The following ZFHX3 variants were observed in gnomAD, a reference collection of about 807,000 sequenced individuals.
ZFHX3 encodes zinc finger homeobox protein 3.
A neutral mutation model predicts 279.1 loss-of-function variants in ZFHX3; 42 were observed. The ratio of observed to expected loss-of-function variants is 0.15; its 90% CI spans 0.12 to 0.19. ZFHX3 has a LOEUF of 0.19. Among genes scored for constraint, ZFHX3 ranks in the 10% least tolerant of loss-of-function variants. The probability of loss-of-function intolerance (pLI) is 1.00; values close to 1 mark genes in which losing one functional copy is unlikely to be tolerated. For missense variants in ZFHX3, 4,981 were observed against 4,754.0 expected (o/e 1.05, Z -1.40); for synonymous variants, 2,293 against 1,957.8 (o/e 1.17, Z -4.52).
At chr16:73,608,055 C>T (rs1469747192) in intron 2 of ZFHX3, among the ~76,000 whole-genome samples, 1 of 146,738 alleles carries the variant, frequency 6.8e-6, no homozygotes, top group Non-Finnish European at 1.5e-5. Context: ...GCCTGGGGAA[C>T]AGAACAAGAC....
intron 5 of ZFHX3, among the ~76,000 whole-genome samples, chr16:73,183,897 T>C (rs2144881351): frequency 6.6e-6 from 1 of 152,126 alleles, no homozygotes; most frequent in Non-Finnish European, 1.5e-5. Flanking sequence ...AAAAAATCTC[T>C]CTTTGCCCTG....
intron 3 of ZFHX3, among the ~76,000 whole-genome samples, chr16:73,349,310 C>G (rs969515619): frequency 6.6e-6 from 1 of 152,136 alleles, no homozygotes; most frequent in Non-Finnish European, 1.5e-5. Flanking sequence ...ACACTGCAAC[C>G]CTGACACCTA....
rs545975593 is a variant in ZFHX3, at chr16:72,902,225, G to A, written c.3217-12263C>T. On this transcript the variant is annotated intron_variant, in intron 3 of 9. Coordinates refer to ENST00000268489, the MANE Select transcript of ZFHX3 (RefSeq NM_006885.4). ...TCTTGCTCCCAGAATCATCCTAACGGATGACAGAGTCCAACTTTCCCATTA... is the reference window on the plus strand; with the variant it reads ...TCTTGCTCCCAGAATCATCCTAACGAATGACAGAGTCCAACTTTCCCATTA... 6.6e-4 allele frequency among the ~76,000 whole-genome samples: 100 copies of A among 152,300 alleles called. 2 individuals carry two copies. In the South Asian group the frequency reaches 0.02, roughly 30 times the overall value.
intron 3 of ZFHX3, among the ~76,000 whole-genome samples, chr16:73,357,395 G>A (rs2016361437): frequency 6.6e-6 from 1 of 150,548 alleles, no homozygotes; most frequent in Non-Finnish European, 1.5e-5. Flanking sequence ...CGTCTTCTGG[G>A]AGCAAACAAA....
intron 7 of ZFHX3, among the ~76,000 whole-genome samples, chr16:73,100,747 A>G (rs1255931807): frequency 1.3e-5 from 2 of 151,782 alleles, no homozygotes; most frequent in Admixed American, 6.6e-5. Flanking sequence ...ACAGGCACCC[A>G]CCATCACGCC....
At chr16:73,432,491 T>G (rs1418436838) in intron 3 of ZFHX3, among the ~76,000 whole-genome samples, 1 of 152,184 alleles carries the variant, frequency 6.6e-6, no homozygotes, top group Admixed American at 6.5e-5. Flanking sequence ...TCCTATGTGA[T>G]CCACTGATCT....
At position 73,093,831 on chromosome 16, in the gene ZFHX3, C is replaced by T. The variant is rs538075548; in HGVS notation, c.-896-233G>A. 15 of 263,480 alleles carry T rather than the reference C, an allele frequency of 5.7e-5. No homozygotes were observed. The East Asian group carries it at 6.4e-4, about 11-fold the overall frequency. 16.3% of individuals were successfully genotyped at this position (263,480 alleles called of 1,614,324 possible). On this transcript the variant is annotated intron_variant, in intron 7 of 17. Coordinates refer to the ZFHX3 transcript ENST00000641206. ...TCACTTTTATTTATTTTTCTGGAAG[C>T]GAGGCGGGAAAAGAAAATGAATTTT...
At chr16:73,058,570 T>C in exon 1 of ZFHX3, 1 of 192,388 alleles carries the variant, frequency 5.2e-6, no homozygotes. Flanking sequence ...GCGGCGCTGC[T>C]GGCGACGGCG....
At chr16:73,550,521 T>G (rs1244899443) in intron 2 of ZFHX3, among the ~76,000 whole-genome samples, 1 of 152,162 alleles carries the variant, frequency 6.6e-6, no homozygotes, top group Non-Finnish European at 1.5e-5. Flanking sequence ...GAACTAAAAC[T>G]AGTTTTAATG....
At chr16:73,143,504 G>C (rs1489523509) in intron 6 of ZFHX3, among the ~76,000 whole-genome samples, 1 of 152,184 alleles carries the variant, frequency 6.6e-6, no homozygotes, top group Non-Finnish European at 1.5e-5. Context: ...GGTAAATGCT[G>C]TTGTCTTGCA....
chr16:73,694,989 G>A (rs926149622), intron 1 of ZFHX3, among the ~76,000 whole-genome samples: 1 of 152,196 alleles, frequency 6.6e-6, no homozygotes, highest in Non-Finnish European at 1.5e-5. Context: ...TGAGAGCCAC[G>A]GTGTGGCTAA....
chr16:73,010,168 G>GC (rs1296994777), intron 1 of ZFHX3, among the ~76,000 whole-genome samples: 7 of 152,162 alleles, frequency 4.6e-5, no homozygotes, highest in African/African-American at 1.7e-4. Context: ...CGAAGATGCT[G>GC]CAGGGCACTG....
intron 2 of ZFHX3, among the ~76,000 whole-genome samples, chr16:73,674,127 C>A (rs1567548396): frequency 6.6e-6 from 1 of 152,104 alleles, no homozygotes; most frequent in African/African-American, 2.4e-5. Flanking sequence ...TATTGTGTTT[C>A]TAGTATGAAA....
At chr16:73,470,653 C>G (rs761358381) in intron 2 of ZFHX3, among the ~76,000 whole-genome samples, 1 of 152,184 alleles carries the variant, frequency 6.6e-6, no homozygotes, top group Non-Finnish European at 1.5e-5. Flanking sequence ...CAACCTCACA[C>G]GCATTCATGT....
At chr16:72,900,559 G>T (rs562020443) in intron 3 of ZFHX3, among the ~76,000 whole-genome samples, 1 of 151,086 alleles carries the variant, frequency 6.6e-6, no homozygotes, top group South Asian at 2.1e-4. Context: ...TCTTTCTACT[G>T]TAAGTCCAGA....
chr16:73,517,283 A>G (rs2019539563), intron 2 of ZFHX3, among the ~76,000 whole-genome samples: 1 of 152,070 alleles, frequency 6.6e-6, no homozygotes, highest in Non-Finnish European at 1.5e-5. Flanking sequence ...TTCTACCTCT[A>G]TGGCTCACTC....
intron 2 of ZFHX3, among the ~76,000 whole-genome samples, chr16:73,553,619 A>C (rs2143774242): frequency 6.6e-6 from 1 of 152,340 alleles, no homozygotes. Context: ...GTCACTGGTC[A>C]CAACCTCTTT....
At chr16:73,043,887 G>A (rs1965202997) in intron 1 of ZFHX3, among the ~76,000 whole-genome samples, 1 of 152,216 alleles carries the variant, frequency 6.6e-6, no homozygotes, top group African/African-American at 2.4e-5. Flanking sequence ...TCTGACAGTT[G>A]TTGATTTTGT....
intron 1 of ZFHX3, among the ~76,000 whole-genome samples, chr16:73,877,208 G>GC (rs1309054590): frequency 7.1e-6 from 1 of 141,462 alleles, no homozygotes; most frequent in Non-Finnish European, 1.5e-5. Flanking sequence ...AGGTCGGGGG[G>GC]GGGTCCCAGG....
Sources: allele counts gnomAD v4.1 joint callset (sites outside exome capture counted in the v4.1 genomes callset), GRCh38; gene constraint gnomAD v4.1.1; transcripts MANE v1.5; gene names NCBI Gene and HGNC (gene_info 2026-07-23, HGNC 2026-07-21).